Variants in MCM4 observed in about 807,000 individuals in gnomAD.
MCM4 encodes DNA replication licensing factor MCM4.
MCM4 carries 60 observed loss-of-function variants against 88.7 expected under a neutral mutation model. That is an observed-to-expected ratio of 0.68 (90% CI 0.55 to 0.84). The LOEUF (loss-of-function observed/expected upper bound fraction) is 0.84, where lower values mean the gene tolerates loss of function less well. Among genes scored for constraint, MCM4 ranks in the 40% least tolerant of loss-of-function variants. MCM4 has a pLI of 0.00. For missense variants in MCM4, 1,149 were observed against 1,105.5 expected, an observed-to-expected ratio of 1.04 and a Z score of -0.56; for synonymous variants, 465 against 410.5, an observed-to-expected ratio of 1.13 and a Z score of -1.61.
rs748272777 is a variant in MCM4 at position 47,970,145 on chromosome 8, C to T, written c.1434+88C>T. 5.8e-5 allele frequency: 85 copies of T among 1,453,254 alleles called. 1 individual carries two copies. Among genetic ancestry groups the T allele is most frequent in the African/African-American group, 3.1e-4 (22 of 70,976 alleles). The allele number at this position is 1,453,254 out of a possible 1,614,324, so 90.0% of individuals were successfully genotyped here. On this transcript the variant is annotated intron_variant, in intron 11 of 16. Transcript: ENST00000649973. Reference sequence around the variant, plus strand: ...CATCCACTCCGCCACTCGAGCCATCCGCCATAAAGGACAGAGTTGTGGCCT... The same window carrying T: ...CATCCACTCCGCCACTCGAGCCATCTGCCATAAAGGACAGAGTTGTGGCCT...
chr8:47,974,928 G>A lies in MCM4; in HGVS notation c.2331G>A (p.Arg777=), dbSNP rs1387789378. ...TGAAGCAGTCTGCAACTGATCCCCG[G>A]ACTGGCATCGTGGACATATCTATTC... ...EALKQSATDP[R]TGIVDISILT... The change falls in exon 15 of 17, where the codon CGG becomes CGA. Residue 777 remains arginine, a synonymous_variant. Transcript: ENST00000649973. 1.2e-6 allele frequency: 2 copies of A among 1,614,166 alleles called. No homozygotes were observed. Among genetic ancestry groups the A allele is most frequent in the South Asian group, 1.1e-5 (1 of 91,076 alleles).
rs752235322 is a variant in MCM4, at chr8:47,970,756, A to G, written c.1680A>G (p.Thr560=). Residue 560 remains threonine (T), a synonymous_variant, in exon 12 of 17, where the codon ACA becomes ACG. Transcript: ENST00000649973. ...DPETRQLVLQ[T]GALVLSDNGI... Reference sequence around the variant, plus strand: ...AGACAAGGCAGCTGGTCCTGCAGACAGGTGCTCTTGTCCTGAGTGACAACG... The same window carrying G: ...AGACAAGGCAGCTGGTCCTGCAGACGGGTGCTCTTGTCCTGAGTGACAACG... 43 of 1,614,116 alleles carry G rather than the reference A, an allele frequency of 2.7e-5. No individual in the cohort carries two copies. Among genetic ancestry groups the G allele is most frequent in the Non-Finnish European group, 3.4e-5 (40 of 1,180,058 alleles).
Position 47,961,169 on chromosome 8 carries a change from A to C in MCM4, c.25A>C (p.Ser9Arg), listed in dbSNP as rs754705495. 1.3e-6 allele frequency: 2 copies of C among 1,551,334 alleles called. No individual in the cohort carries two copies. Among genetic ancestry groups the C allele is most frequent in the Non-Finnish European group, 8.6e-7 (1 of 1,159,102 alleles). MSSPASTPSRRGSRRGRAT... is the reference protein window; with the variant it reads MSSPASTPRRRGSRRGRAT... ...TATGTCGTCCCCGGCGTCGACCCCG[A>C]GCCGCCGCGGCAGCCGGCGTGGAAG... Residue 9 changes from serine to arginine, a missense_variant, in exon 2 of 17, where the codon AGC becomes CGC. Physicochemically the swap from Ser to Arg is moderately radical, Grantham distance 110 (BLOSUM62 -1). This residue lies in a region of MCM4 where 906 missense variants were observed against 843.0 expected (regional missense o/e 1.07). Transcript: ENST00000649973.
Position 47,966,227 on chromosome 8 carries a change from G to A in MCM4, c.873G>A (p.Arg291=), listed in dbSNP as rs780920983. 1.4e-5 allele frequency: 22 copies of A among 1,614,044 alleles called. No homozygotes were observed. In the South Asian group the frequency reaches 2.4e-4, roughly 18 times the overall value. ...QLITISGMVI[R]TSQLIPEMQE... is the part of the protein sequence containing the mutation. ...TCACCATCAGCGGCATGGTGATCAG[G>A]ACATCCCAGCTGATTCCCGAGATGC... Residue 291 remains arginine, a synonymous_variant, in exon 9 of 17, where the codon AGG becomes AGA. Transcript: ENST00000649973.
chr8:47,975,976 A>G (rs1378728975), intron 16 of MCM4, 128 bp downstream of exon 16: 2 of 720,786 alleles, frequency 2.8e-6, no homozygotes, highest in African/African-American at 3.7e-5. Flanking sequence ...AAGATGAACC[A>G]TAAGCCATCA....
At chr8:47,974,114 C>G (rs1468862313) in intron 14 of MCM4, 2 of 152,264 alleles carry the variant, frequency 1.3e-5, no homozygotes, top group African/African-American at 2.4e-5. Flanking sequence ...TTAGGTTATT[C>G]AAGCATTGTG....
intron 13 of MCM4, among the ~76,000 whole-genome samples, chr8:47,971,902 T>TC (rs2090956104): frequency 6.6e-6 from 1 of 152,010 alleles, no homozygotes; most frequent in Non-Finnish European, 1.5e-5. Context: ...AAGTTTTTTT[T>TC]CCCAAAAAAA....
chr8:47,966,004 G>A (rs576383349), intron 8 of MCM4, among the ~76,000 whole-genome samples, 183 bp from the exon 9 acceptor site: 7 of 152,144 alleles, frequency 4.6e-5, no homozygotes, highest in Non-Finnish European at 1.0e-4. Context: ...GGGGCCCTGA[G>A]GAAGAAGGGC....
intron 14 of MCM4, chr8:47,974,381 T>G (rs377166716): frequency 8.1e-6 from 2 of 247,804 alleles, no homozygotes; most frequent in African/African-American, 2.2e-5. Flanking sequence ...ATTCTCCCTA[T>G]GAGTGCTCAC....
intron 12 of MCM4, 37 bp downstream of exon 12, chr8:47,970,913 T>TA: frequency 6.5e-7 from 1 of 1,547,078 alleles, no homozygotes; most frequent in Non-Finnish European, 8.7e-7. Context: ...TGGACGTGTT[T>TA]AAAATATGTG....
At chr8:47,963,336 C>T (rs1317645761) in intron 7 of MCM4, among the ~76,000 whole-genome samples, 3 of 152,066 alleles carry the variant, frequency 2.0e-5, no homozygotes, top group Non-Finnish European at 2.9e-5. Flanking sequence ...TGCCTGTAGT[C>T]CCAGCTACTC....
chr8:47,966,387 C>T lies in MCM4; in HGVS notation c.1033C>T (p.Leu345Phe), dbSNP rs1162291857. 1 of 1,611,712 alleles carries T rather than the reference C, an allele frequency of 6.2e-7. No homozygotes were observed. The highest frequency in any genetic ancestry group is 1.7e-5 in the Admixed American group (1 of 59,928). ...CATGGCACTCATCCACAACCGCTCC[C>T]TCTTCTCTGACAAGCAGATGGTGCG... The part of the protein sequence containing the change: ...HSMALIHNRS[L>F]FSDKQMIKLQ... Residue 345 changes from leucine to phenylalanine, a missense_variant, in exon 9 of 17, where the codon CTC (leucine) becomes TTC (phenylalanine). Transcript: ENST00000649973.
intron 14 of MCM4, chr8:47,974,520 G>C (rs1051968843): frequency 1.9e-6 from 1 of 527,580 alleles, no homozygotes; most frequent in South Asian, 2.3e-5. Context: ...GTTGGAATAT[G>C]TTCACCCACC....
At position 47,974,815 on chromosome 8, in the gene MCM4, T is replaced by A; in HGVS notation, c.2218T>A (p.Leu740Ile). 1.2e-6 allele frequency: 2 copies of A among 1,614,260 alleles called. No individual in the cohort carries two copies. Among genetic ancestry groups the A allele is most frequent in the Non-Finnish European group, 1.7e-6 (2 of 1,180,056 alleles). ...YPRQLESLIR[L>I]AEAHAKVRLS... ...TCGACAGCTAGAGTCATTAATCCGC[T>A]TAGCAGAAGCCCATGCTAAAGTAAG... Residue 740 changes from leucine to isoleucine, a missense_variant, in exon 15 of 17, where the codon TTA (leucine) becomes ATA (isoleucine). Physicochemically the swap from Leu to Ile is conservative, Grantham distance 5. Transcript: ENST00000649973.
At chr8:47,966,451 G>T (rs1296970083) in intron 9 of MCM4, 44 bp downstream of exon 9, 22 of 1,537,652 alleles carry the variant, frequency 1.4e-5, no homozygotes, top group Non-Finnish European at 1.9e-5. Flanking sequence ...TTGCCTGTCT[G>T]TATCCTCAAA....
chr8:47,962,495 C>A, intron 5 of MCM4, 89 bp downstream of exon 5: 1 of 1,317,770 alleles, frequency 7.6e-7, no homozygotes, highest in Non-Finnish European at 1.1e-6. Context: ...GCCATAATGA[C>A]TAGAAGGGCC....
In MCM4 at chr8:47,962,900, A is replaced by G. The variant is rs111544254; in HGVS notation, c.597+41A>G. On this transcript the variant is annotated intron_variant, in intron 6 of 16. Coordinates refer to ENST00000649973, the MANE Select transcript of MCM4 (RefSeq NM_182746.3). Reference sequence around the variant, plus strand: ...TTAAATTCAAGTTACGTGTTTTAAAATAGTTAAATTAGCAAAATATAACTT... The same window carrying G: ...TTAAATTCAAGTTACGTGTTTTAAAGTAGTTAAATTAGCAAAATATAACTT... 18 of 1,575,034 alleles carry G rather than the reference A, an allele frequency of 1.1e-5. No individual in the cohort carries two copies. The African/African-American group carries it at 1.5e-4, about 13-fold the overall frequency.
At position 47,962,213 on chromosome 8, in the gene MCM4, C is replaced by A. The variant is rs909735127; in HGVS notation, c.396C>A (p.Asp132Glu). 6 of 1,614,084 alleles carry A rather than the reference C, an allele frequency of 3.7e-6. No homozygotes were observed. Among genetic ancestry groups the A allele is most frequent in the Non-Finnish European group, 5.1e-6 (6 of 1,180,012 alleles). The change falls in exon 4 of 17, where the codon GAC (aspartate) becomes GAA (glutamate). Residue 132 changes from aspartate to glutamate, a missense_variant. Around this residue, in one of 3 missense-constraint regions of MCM4, gnomAD observed 906 missense variants for 843.0 expected, o/e 1.07. Transcript: ENST00000649973. ...GCCTGCAAGTGGATCTGCAGTCTGA[C>A]GGGGTGAGTATGCAGTCTCCTGAAA... ...QKGLQVDLQS[D>E]GAAAEDIVAS...
rs146935350 is a variant in MCM4, at chr8:47,965,583, G to C, written c.833-604G>C. 1.4e-3 allele frequency among the ~76,000 whole-genome samples: 218 copies of C among 152,302 alleles called. 1 individual carries two copies. The highest frequency in any genetic ancestry group is 4.8e-3 in the African/African-American group (201 of 41,574). ...AGGGTAGCTTGTCTGAAACCAGCAG[G>C]GGAAATTAGTTGCGGGCAGTGGGAC... On this transcript the variant is annotated intron_variant, in intron 8 of 16. Transcript: ENST00000649973.
Sources: gnomAD v4.1 joint callset for allele counts (sites outside exome capture counted in the v4.1 genomes callset) on GRCh38, gnomAD v4.1.1 for gene constraint, gnomAD v4.1.1 regional missense constraint, MANE v1.5 for transcripts, NCBI Gene and HGNC (gene_info 2026-07-23, HGNC 2026-07-21) for gene names.